Variants in GALNT13 observed in about 807,000 individuals in gnomAD.
GALNT13 encodes UDP-GalNAc:polypeptide N-acetylgalactosaminyltransferase 13.
A neutral mutation model predicts 64.2 loss-of-function variants in GALNT13; 28 were observed. That is an observed-to-expected ratio of 0.44 (90% confidence interval 0.32 to 0.60). The LOEUF (loss-of-function observed/expected upper bound fraction) is 0.60. Ranked by LOEUF, GALNT13 falls within the 20% of genes least tolerant of loss-of-function variation. The pLI, the probability that GALNT13 is intolerant of heterozygous loss-of-function variation, is 0.05. For missense variants in GALNT13, 577 were observed against 669.8 expected (o/e 0.86, Z 1.53); for synonymous variants, 214 against 224.6 (o/e 0.95, Z 0.42).
chr2:154,104,613 CTG>C (rs1702515792), intron 3 of GALNT13, among the ~76,000 whole-genome samples: 1 of 152,190 alleles, frequency 6.6e-6, no homozygotes, highest in South Asian at 2.1e-4. Flanking sequence ...TGGACTTTAT[CTG>C]TGTTTCCTTT....
the GALNT13 span, among the ~76,000 whole-genome samples, chr2:153,094,332 T>A: frequency 1.3e-5 from 2 of 152,244 alleles, no homozygotes; most frequent in Admixed American, 6.5e-5. Context: ...CCAATATAAT[T>A]TGTTTCAAGA....
chr2:153,623,533 G>A, the GALNT13 span, among the ~76,000 whole-genome samples: 1 of 151,962 alleles, frequency 6.6e-6, no homozygotes, highest in Non-Finnish European at 1.5e-5. Context: ...TCTAATAACA[G>A]CTAAACCCAA....
chr2:153,992,062 ACC>A (rs1695193818), intron 3 of GALNT13, among the ~76,000 whole-genome samples: 1 of 152,204 alleles, frequency 6.6e-6, no homozygotes, highest in Non-Finnish European at 1.5e-5. Flanking sequence ...GGGGAAATAA[ACC>A]TTTCAGGGAA....
chr2:153,497,389 T>C, the GALNT13 span, among the ~76,000 whole-genome samples: 2 of 152,150 alleles, frequency 1.3e-5, no homozygotes, highest in Non-Finnish European at 2.9e-5. Context: ...CAGTTCTTTA[T>C]GTGTCCTTCA....
intron 2 of GALNT13, among the ~76,000 whole-genome samples, chr2:153,910,549 C>G (rs1345919967): frequency 6.6e-6 from 1 of 151,998 alleles, no homozygotes; most frequent in Non-Finnish European, 1.5e-5. Context: ...TGAGATCTTT[C>G]TAAGTTTTTG....
rs146262938 is a variant in GALNT13, at chr2:153,948,768, A to G, written c.142+4129A>G. On this transcript the variant is annotated intron_variant, in intron 3 of 12. Coordinates refer to ENST00000392825, the MANE Select transcript of GALNT13 (RefSeq NM_052917.4). ...CTAATGCAGGAACAGAAAACCAAAT[A>G]GCTCATGTTCTCACTTATAAGTGGG... 2.6e-4 allele frequency among the ~76,000 whole-genome samples: 40 copies of G among 152,272 alleles called. No homozygotes were observed. In the East Asian group the frequency reaches 5.0e-3, roughly 19 times the overall value.
At chr2:153,161,660 A>T in the GALNT13 span, among the ~76,000 whole-genome samples, 1 of 152,056 alleles carries the variant, frequency 6.6e-6, no homozygotes, top group African/African-American at 2.4e-5. Flanking sequence ...GTCTGGTGTG[A>T]GAGAAAATCA....
At chr2:153,637,678 T>C in the GALNT13 span, among the ~76,000 whole-genome samples, 3 of 152,134 alleles carry the variant, frequency 2.0e-5, no homozygotes, top group African/African-American at 4.8e-5. Context: ...CTGTCAGAAA[T>C]TGTGTGCTAT....
At chr2:154,032,131 A>G (rs767886033) in intron 3 of GALNT13, among the ~76,000 whole-genome samples, 3 of 151,990 alleles carry the variant, frequency 2.0e-5, no homozygotes, top group African/African-American at 2.4e-5. Context: ...AGAAGCAGCA[A>G]TCAAATAAAT....
At chr2:153,462,499 A>G in the GALNT13 span, among the ~76,000 whole-genome samples, 3 of 152,120 alleles carry the variant, frequency 2.0e-5, no homozygotes, top group African/African-American at 7.2e-5. Context: ...TTTCTAGGAC[A>G]GCAAGGCAAA....
intron 4 of GALNT13, among the ~76,000 whole-genome samples, chr2:154,159,968 A>T (rs1684639181): frequency 1.3e-5 from 2 of 152,322 alleles, no homozygotes; most frequent in African/African-American, 4.8e-5. Flanking sequence ...TAGAAAGTAA[A>T]TTGCATTATT....
chr2:154,196,831 C>T (rs562334207), intron 4 of GALNT13, among the ~76,000 whole-genome samples: 2 of 152,214 alleles, frequency 1.3e-5, no homozygotes, highest in Non-Finnish European at 2.9e-5. Flanking sequence ...ATTATCATTT[C>T]ATGACCTCTT....
chr2:153,424,842 C>G, the GALNT13 span, among the ~76,000 whole-genome samples: 25 of 151,608 alleles, frequency 1.6e-4, no homozygotes, highest in Admixed American at 1.4e-3. Flanking sequence ...ATGGAAATAG[C>G]CTAAGAGTTG....
intron 9 of GALNT13, among the ~76,000 whole-genome samples, chr2:154,308,308 A>G (rs570355772): frequency 3.3e-5 from 5 of 152,226 alleles, no homozygotes; most frequent in African/African-American, 4.8e-5. Context: ...AGAAAAATCA[A>G]CTCACCAAAG....
the GALNT13 span, among the ~76,000 whole-genome samples, chr2:153,169,626 G>A: frequency 6.6e-6 from 1 of 152,114 alleles, no homozygotes; most frequent in Admixed American, 6.6e-5. Context: ...GAGAAACTCA[G>A]AAGGAACCAC....
chr2:153,628,794 G>C, the GALNT13 span, among the ~76,000 whole-genome samples: 2 of 152,052 alleles, frequency 1.3e-5, no homozygotes, highest in Admixed American at 6.6e-5. Context: ...CAAGGATATT[G>C]GTCTAAAATT....
intron 9 of GALNT13, among the ~76,000 whole-genome samples, chr2:154,338,780 G>T (rs1172784817): frequency 6.6e-6 from 1 of 152,054 alleles, no homozygotes; most frequent in Non-Finnish European, 1.5e-5. Flanking sequence ...GAATTTGAGA[G>T]CCCTATAGAG....
At chr2:153,895,394 A>C (rs1332315843) in intron 1 of GALNT13, among the ~76,000 whole-genome samples, 1 of 152,140 alleles carries the variant, frequency 6.6e-6, no homozygotes, top group African/African-American at 2.4e-5. Context: ...AGCTCAACAA[A>C]ATGAATAATT....
the GALNT13 span, among the ~76,000 whole-genome samples, chr2:153,252,127 C>T: frequency 6.8e-6 from 1 of 147,848 alleles, no homozygotes; most frequent in Non-Finnish European, 1.5e-5. Context: ...TCCTCTCCAG[C>T]ACCTGTTGTT....
Sources: gnomAD v4.1 joint callset for allele counts (sites outside exome capture counted in the v4.1 genomes callset) on GRCh38, gnomAD v4.1.1 for gene constraint, MANE v1.5 for transcripts, NCBI Gene and HGNC (gene_info 2026-07-23, HGNC 2026-07-21) for gene names.